The following ZNF730 variants were observed in gnomAD, a reference collection of about 807,000 sequenced individuals.
ZNF730 encodes the protein putative zinc finger protein 730.
A neutral mutation model predicts 12.6 loss-of-function variants in ZNF730; 12 were observed. That is an observed-to-expected ratio of 0.95 (90% CI 0.61 to 1.54). ZNF730 has a LOEUF of 1.54. Among genes scored for constraint, ZNF730 ranks in the 40% most tolerant of loss-of-function variants. The pLI is 0.00. For missense variants in ZNF730, 643 were observed against 583.5 expected (o/e 1.10, Z -1.05); for synonymous variants, 194 against 195.8 (o/e 0.99, Z 0.08).
chr19:23,134,490 C>A (rs1352257921), intron 2 of ZNF730, among the ~76,000 whole-genome samples: 1 of 147,688 alleles, frequency 6.8e-6, no homozygotes, highest in Non-Finnish European at 1.5e-5. Flanking sequence ...GCCAGCCCCC[C>A]GCCCGGCCGG....
intron 1 of ZNF730, among the ~76,000 whole-genome samples, chr19:23,094,469 A>G (rs1267033950): frequency 2.0e-5 from 3 of 149,240 alleles, no homozygotes; most frequent in Admixed American, 6.7e-5. Context: ...TAGAAAATAA[A>G]TAAGTTTTCA....
At chr19:23,103,089 A>G (rs934465843) in intron 1 of ZNF730, among the ~76,000 whole-genome samples, 1 of 152,208 alleles carries the variant, frequency 6.6e-6, no homozygotes, top group African/African-American at 2.4e-5. Flanking sequence ...ACACATGGAA[A>G]AAATCCACAG....
chr19:23,096,980 G>A (rs1343411374), intron 1 of ZNF730, among the ~76,000 whole-genome samples: 3 of 152,028 alleles, frequency 2.0e-5, no homozygotes, highest in Admixed American at 2.0e-4. Context: ...TTATTTTCCC[G>A]GTTCTGGCAT....
chr19:23,136,338 A>G (rs1400499761), intron 3 of ZNF730, among the ~76,000 whole-genome samples: 1 of 152,156 alleles, frequency 6.6e-6, no homozygotes, highest in Non-Finnish European at 1.5e-5. Context: ...CTGCTTTTCC[A>G]TTGTTTCTGG....
intron 1 of ZNF730, among the ~76,000 whole-genome samples, chr19:23,129,845 T>A (rs1970723725): frequency 6.6e-6 from 1 of 151,650 alleles, no homozygotes; most frequent in Non-Finnish European, 1.5e-5. Context: ...TACAAAAAAA[T>A]TAGCCGGATG....
chr19:23,080,456 A>G (rs981290145), intron 1 of ZNF730, among the ~76,000 whole-genome samples: 2 of 151,550 alleles, frequency 1.3e-5, no homozygotes, highest in South Asian at 2.1e-4. Flanking sequence ...GCTCACTGCA[A>G]CCTTTGCCTC....
upstream of ZNF730, among the ~76,000 whole-genome samples, chr19:23,114,671 G>C (rs1018112152): frequency 3.3e-5 from 5 of 152,022 alleles, no homozygotes; most frequent in African/African-American, 1.2e-4. Context: ...TTTTCTTTTA[G>C]AAGTTTTCAA....
chr19:23,122,132 C>CTTT (rs71163449), intron 1 of ZNF730, among the ~76,000 whole-genome samples: 2 of 22,778 alleles, frequency 8.8e-5, no homozygotes, highest in African/African-American at 3.3e-4. Context: ...TTGTTTAAAG[C>CTTT]TTTTTTTTTT....
upstream of ZNF730, among the ~76,000 whole-genome samples, chr19:23,116,554 G>A (rs1970526815): frequency 1.4e-5 from 2 of 145,976 alleles, no homozygotes; most frequent in South Asian, 2.2e-4. Context: ...TTACAGGCGC[G>A]CGCCACTACT....
At chr19:23,137,745 G>T (rs567586529) in intron 3 of ZNF730, among the ~76,000 whole-genome samples, 4 of 152,190 alleles carry the variant, frequency 2.6e-5, no homozygotes, top group Non-Finnish European at 5.9e-5. Context: ...GGTGCCCAGG[G>T]TGATAGAATG....
intron 1 of ZNF730, among the ~76,000 whole-genome samples, chr19:23,094,726 G>C (rs1327440478): frequency 6.6e-6 from 1 of 151,920 alleles, no homozygotes; most frequent in Non-Finnish European, 1.5e-5. Flanking sequence ...CACCCACCTC[G>C]GCCTCCCAGA....
intron 1 of ZNF730, among the ~76,000 whole-genome samples, chr19:23,093,709 C>T (rs1250715072): frequency 6.6e-6 from 1 of 152,214 alleles, no homozygotes; most frequent in Non-Finnish European, 1.5e-5. Context: ...CCCTCTCCCA[C>T]CCCAGGGGTA....
At chr19:23,115,324 AGAGTT>A (rs1368355233), upstream of ZNF730, among the ~76,000 whole-genome samples, 1 of 152,228 alleles carries the variant, frequency 6.6e-6, no homozygotes. Context: ...TTCATGTGAA[AGAGTT>A]GTATAAACCA....
chr19:23,114,311 T>C (rs1213440048), upstream of ZNF730, among the ~76,000 whole-genome samples: 6 of 115,182 alleles, frequency 5.2e-5, no homozygotes, highest in African/African-American at 2.1e-4. Flanking sequence ...TTTTCTTTTT[T>C]TTTTTTTTTT....
chr19:23,085,826 A>ATTTTTTTTTT (rs1383951518), intron 1 of ZNF730, among the ~76,000 whole-genome samples: 1 of 72,546 alleles, frequency 1.4e-5, no homozygotes, highest in African/African-American at 6.0e-5. Flanking sequence ...ATTTCACCCA[A>ATTTTTTTTTT]TTTTTTTTTC....
intron 1 of ZNF730, chr19:23,123,597 A>G (rs1970626006): frequency 6.6e-6 from 1 of 151,482 alleles, no homozygotes; most frequent in Non-Finnish European, 1.5e-5. Flanking sequence ...AAAAAAAGAA[A>G]CCTTATAAAA....
intron 1 of ZNF730, among the ~76,000 whole-genome samples, chr19:23,077,174 G>A (rs1381552119): frequency 1.3e-5 from 2 of 152,062 alleles, no homozygotes; most frequent in East Asian, 1.9e-4. Context: ...TCCATACTGG[G>A]GTCTATTGGA....
At chr19:23,091,355 G>A (rs1343862173) in intron 1 of ZNF730, among the ~76,000 whole-genome samples, 1 of 152,166 alleles carries the variant, frequency 6.6e-6, no homozygotes, top group Non-Finnish European at 1.5e-5. Context: ...GAAATGTGGG[G>A]TCAGAGCCCC....
In ZNF730 at chr19:23,146,707, A is replaced by G. The variant is rs1971020557; in HGVS notation, c.*151A>G. On this transcript the variant is annotated 3_prime_UTR_variant, in exon 4 of 4. Coordinates refer to ENST00000597761, the MANE Select transcript of ZNF730 (RefSeq NM_001277403.2). Reference sequence around the variant, plus strand: ...TCTTACTAAACATAAGGTAATTCATACTGGAGAAAAACCTACAAATGTGAA... The same window carrying G: ...TCTTACTAAACATAAGGTAATTCATGCTGGAGAAAAACCTACAAATGTGAA... 1.3e-5 allele frequency: 19 copies of G among 1,412,570 alleles called. No individual in the cohort carries two copies. The South Asian group carries it at 2.0e-4, about 15-fold the overall frequency. 87.5% of individuals were successfully genotyped at this position (1,412,570 alleles called of 1,614,324 possible).
Sources: allele counts gnomAD v4.1 joint callset (sites outside exome capture counted in the v4.1 genomes callset), GRCh38; gene constraint gnomAD v4.1.1; transcripts MANE v1.5; gene names NCBI Gene and HGNC (gene_info 2026-07-23, HGNC 2026-07-21).